The following MACF1 variants were observed in gnomAD, a reference collection of about 807,000 sequenced individuals.
MACF1 encodes microtubule actin crosslinking factor 1.
MACF1 carries 193 observed loss-of-function variants against 854.8 expected under a neutral mutation model. The observed-to-expected ratio is 0.23, with a 90% confidence interval of 0.20 to 0.25. The LOEUF (loss-of-function observed/expected upper bound fraction) is 0.25. Among genes scored for constraint, MACF1 ranks in the 10% least tolerant of loss-of-function variants. MACF1 has a pLI of 1.00. For missense variants in MACF1, 7,722 were observed against 8,929.1 expected (o/e 0.86, Z 5.45); for synonymous variants, 3,185 against 3,226.7 (o/e 0.99, Z 0.44).
At chr1:39,188,623 T>TATTGATTG (rs747626743) in intron 2 of MACF1, among the ~76,000 whole-genome samples, 3 of 152,124 alleles carry the variant, frequency 2.0e-5, no homozygotes, top group East Asian at 1.9e-4. Flanking sequence ...TGTCAAAGTT[T>TATTGATTG]ATTGATTGAT....
At chr1:39,087,972 T>C (rs577014123) in intron 2 of MACF1, among the ~76,000 whole-genome samples, 2 of 151,318 alleles carry the variant, frequency 1.3e-5, no homozygotes, top group African/African-American at 4.8e-5. Flanking sequence ...GGGGTTTCTT[T>C]TTTTTTTTGG....
intron 99 of MACF1, among the ~76,000 whole-genome samples, chr1:39,483,725 C>A (rs1557678481): frequency 6.6e-6 from 1 of 152,188 alleles, no homozygotes; most frequent in Non-Finnish European, 1.5e-5. Context: ...CAGACTTGTT[C>A]CTGATGTCTC....
rs746842005 is a variant in MACF1, at chr1:39,439,415, T to C, written c.18362T>C (p.Ile6121Thr). ...GACATGGCAGCTCTCCTGACCACCA[T>C]CAAAGACACCCAGGATATTGTCCAT... is the stretch of plus-strand genomic sequence containing the variant. ...WYDMAALLTT[I>T]KDTQDIVHDL... is the part of the protein sequence containing the mutation. The change falls in exon 72 of 101, where the codon ATC becomes ACC. Residue 6121 changes from isoleucine to threonine, a missense_variant. Physicochemically the swap from Ile to Thr is moderately conservative, Grantham distance 89 (BLOSUM62 -1). Around this residue, in one of 15 missense-constraint regions of MACF1, gnomAD observed 2,807 missense variants for 3,235.8 expected, o/e 0.87. Transcript: ENST00000564288. 3 of 1,614,032 alleles carry C rather than the reference T, an allele frequency of 1.9e-6. No individual in the cohort carries two copies. Among genetic ancestry groups the C allele is most frequent in the Admixed American group, 1.7e-5 (1 of 60,006 alleles).
chr1:39,271,720 T>C (rs532224613), intron 6 of MACF1, among the ~76,000 whole-genome samples: 4 of 152,344 alleles, frequency 2.6e-5, no homozygotes, highest in African/African-American at 9.6e-5. Flanking sequence ...ATAGGACACA[T>C]GCTTGTAACT....
At chr1:39,337,655 C>T (rs940962461) in intron 38 of MACF1, among the ~76,000 whole-genome samples, 2 of 151,126 alleles carry the variant, frequency 1.3e-5, no homozygotes, top group African/African-American at 4.9e-5. Flanking sequence ...CAACCTCCGC[C>T]TCCCGGGTTC....
rs1381451601 is a variant in MACF1 at position 39,322,636 on chromosome 1, A to G, written c.4058A>G (p.Lys1353Arg). The G allele has an allele frequency of 6.2e-7, 1 of 1,614,014 alleles. No homozygotes were observed. Among genetic ancestry groups the G allele is most frequent in the East Asian group, 2.2e-5 (1 of 44,896 alleles). ...KDYELQLMTY[K>R]AFVESQQKSP... ...TATGAATTGCAACTGATGACATACA[A>G]GGCCTTTGTGGAATCGCAGCAGAAA... is the stretch of plus-strand genomic sequence containing the variant. The change falls in exon 32 of 101, where the codon AAG (lysine) becomes AGG (arginine). Residue 1353 changes from lysine (K) to arginine (R), a missense_variant. Physicochemically the swap from Lys to Arg is conservative, Grantham distance 26 (BLOSUM62 2). Around this residue, in one of 15 missense-constraint regions of MACF1, gnomAD observed 1,137 missense variants for 1,263.0 expected, o/e 0.90. Coordinates refer to ENST00000564288, the MANE Select transcript of MACF1 (RefSeq NM_001394062.1).
intron 2 of MACF1, among the ~76,000 whole-genome samples, chr1:39,199,265 G>A (rs1238846733): frequency 1.3e-5 from 2 of 151,904 alleles, no homozygotes; most frequent in South Asian, 2.1e-4. Context: ...GATTACAGGC[G>A]TGAGCCACTG....
At position 39,486,959 on chromosome 1, in the gene MACF1, T is replaced by G. The variant is rs1645107948; in HGVS notation, c.*1165T>G. On this transcript the variant is annotated 3_prime_UTR_variant, in exon 101 of 101. Transcript: ENST00000564288. ...ACTGTTTAGAAACAAGACACACTTT[T>G]GTATTAAAATTGCTTGCAGTAACAA... 6.6e-6 allele frequency: 1 copy of G among 152,638 alleles called. No homozygotes were observed. The highest frequency in any genetic ancestry group is 2.4e-5 in the African/African-American group (1 of 41,470). The allele number at this position is 152,638 out of a possible 1,614,324, so 9.5% of individuals were successfully genotyped here.
chr1:39,369,673 G>C (rs892695708), intron 50 of MACF1, among the ~76,000 whole-genome samples: 3 of 152,194 alleles, frequency 2.0e-5, no homozygotes, highest in Non-Finnish European at 2.9e-5. Flanking sequence ...CCTTGAAAGA[G>C]TCAAATAGCT....
At chr1:39,411,045 G>A (rs778128549) in intron 58 of MACF1, 3 of 1,613,772 alleles carry the variant, frequency 1.9e-6, no homozygotes, top group East Asian at 2.2e-5. Context: ...CAACCTGGCC[G>A]AGGGCCACAA....
In MACF1 at chr1:39,336,373, G is replaced by C. The variant is rs1646810449; in HGVS notation, c.9785G>C (p.Arg3262Thr). 1 of 1,614,110 alleles carries C rather than the reference G, an allele frequency of 6.2e-7. No homozygotes were observed. Among genetic ancestry groups the C allele is most frequent in the Admixed American group, 1.7e-5 (1 of 60,010 alleles). ...AGSIEDIVTQ[R>T]GSRVLGSFLP... ...TCCATTGAGGACATAGTGACTCAGAGAGGTTCCAGAGTCTTGGGATCCTTT... is the reference window on the plus strand; with the variant it reads ...TCCATTGAGGACATAGTGACTCAGACAGGTTCCAGAGTCTTGGGATCCTTT... Residue 3262 changes from arginine to threonine, a missense_variant, in exon 37 of 101, where the codon AGA (arginine) becomes ACA (threonine). By Grantham distance (71) the Arg-to-Thr change is moderately conservative. Transcript: ENST00000564288.
At chr1:39,384,603 A>AG in intron 56 of MACF1, among the ~76,000 whole-genome samples, 1 of 152,230 alleles carries the variant, frequency 6.6e-6, no homozygotes, top group East Asian at 1.9e-4. Context: ...GGATATGAAA[A>AG]GAAAAAAAAG....
At position 39,361,382 on chromosome 1, in the gene MACF1, G is replaced by T. The variant is rs778866280; in HGVS notation, c.12476G>T (p.Arg4159Leu). The T allele has an allele frequency of 2.5e-6, 4 of 1,613,220 alleles. No individual in the cohort carries two copies. In the African/African-American group the frequency reaches 4.0e-5, roughly 16 times the overall value. Residue 4159 changes from arginine to leucine, a missense_variant, in exon 49 of 101, where the codon CGG (arginine) becomes CTG (leucine). Arg to Leu is a moderately radical substitution (Grantham distance 102). This residue lies in a region of MACF1 where 2,807 missense variants were observed against 3,235.8 expected (regional missense o/e 0.87). Coordinates refer to ENST00000564288, the MANE Select transcript of MACF1 (RefSeq NM_001394062.1). ...TNMKLKQDIARQKSSLEATRE... is the reference protein window; with the variant it reads ...TNMKLKQDIALQKSSLEATRE... ...CAGAAATTGAAGCAGGACATTGCTC[G>T]GCAAAAGAGCAGCTTGGAGGCCACC...
intron 69 of MACF1, 44 bp from the exon 70 acceptor site, chr1:39,435,514 T>C: frequency 6.9e-7 from 1 of 1,454,536 alleles, no homozygotes; most frequent in Non-Finnish European, 9.6e-7. Flanking sequence ...ATACATAAAC[T>C]GGTATAAAAG....
chr1:39,100,468 T>C (rs1309056763), intron 2 of MACF1, among the ~76,000 whole-genome samples: 2 of 152,172 alleles, frequency 1.3e-5, no homozygotes, highest in African/African-American at 4.8e-5. Flanking sequence ...ACAAACATAC[T>C]CTCTCCTTAA....
At chr1:39,258,983 A>C (rs1645127434) in intron 6 of MACF1, among the ~76,000 whole-genome samples, 1 of 152,182 alleles carries the variant, frequency 6.6e-6, no homozygotes, top group Non-Finnish European at 1.5e-5. Flanking sequence ...GTGGTAATGT[A>C]TTTTTGTGGA....
chr1:39,323,007 A>T lies in MACF1; in HGVS notation c.4235A>T (p.Glu1412Val), dbSNP rs1478687917. The T allele has an allele frequency of 6.2e-7, 1 of 1,613,470 alleles. No homozygotes were observed. The highest frequency in any genetic ancestry group is 8.5e-7 in the Non-Finnish European group (1 of 1,179,482). Residue 1412 changes from glutamate (E) to valine (V), a missense_variant and splice_region_variant, in exon 33 of 101, where the codon GAG (glutamate) becomes GTG (valine). This residue lies in a region of MACF1 where 1,137 missense variants were observed against 1,263.0 expected (regional missense o/e 0.90). Transcript: ENST00000564288. The part of the protein sequence containing the change: ...SDALRRLEEE[E>V]KVVEEEKQEH... ...GCACTCCGGCGTCTGGAGGAGGAGG[A>T]GGTGAGGACAGTTGGGTCCAAAGTC...
chr1:39,385,550 A>G lies in MACF1; in HGVS notation c.13965A>G (p.Lys4655=). The G allele has an allele frequency of 6.2e-7, 1 of 1,614,202 alleles. No individual in the cohort carries two copies. Among genetic ancestry groups the G allele is most frequent in the Non-Finnish European group, 8.5e-7 (1 of 1,180,046 alleles). Residue 4655 remains lysine (K), a synonymous_variant, in exon 57 of 101, where the codon AAA becomes AAG. Transcript: ENST00000564288. ...CTCTGTCCACCAGCCAAGTACAGAA[A>G]GAACTCCAGAGCATCAATCAGAAAT... ...DVSLSTSQVQ[K]ELQSINQKWV...
At chr1:39,204,036 G>A (rs1290759863), upstream of MACF1, among the ~76,000 whole-genome samples, 2 of 152,180 alleles carry the variant, frequency 1.3e-5, no homozygotes, top group Non-Finnish European at 2.9e-5. Context: ...CACCTTTGGA[G>A]GCAGAGGCGG....
Sources: allele counts gnomAD v4.1 joint callset (sites outside exome capture counted in the v4.1 genomes callset), GRCh38; gene constraint gnomAD v4.1.1; regional missense constraint gnomAD v4.1.1; transcripts MANE v1.5; gene names NCBI Gene and HGNC (gene_info 2026-07-23, HGNC 2026-07-21).